The following APMAP variants were observed in gnomAD, a reference collection of about 807,000 sequenced individuals.
APMAP encodes the protein adipocyte plasma membrane associated protein.
APMAP carries 33 observed loss-of-function variants against 43.6 expected under a neutral mutation model. That is an observed-to-expected ratio of 0.76 (90% CI 0.57 to 1.01). APMAP has a LOEUF of 1.01. Among genes scored for constraint, APMAP ranks in the 50% least tolerant of loss-of-function variants. The pLI is 0.00. For missense variants in APMAP, 498 were observed against 540.7 expected (o/e 0.92, Z 0.78); for synonymous variants, 224 against 216.7 (o/e 1.03, Z -0.30).
intron 8 of APMAP, chr20:24,964,501 G>A (rs554222193): frequency 4.3e-6 from 2 of 468,214 alleles, no homozygotes; most frequent in African/African-American, 4.0e-5. Flanking sequence ...AAGCAAGCAG[G>A]TCCACAGACC....
intron 3 of APMAP, among the ~76,000 whole-genome samples, chr20:24,978,504 G>C (rs940077374): frequency 2.6e-5 from 4 of 152,186 alleles, no homozygotes; most frequent in African/African-American, 9.7e-5. Flanking sequence ...AACACTTTGA[G>C]CACAACAAAG....
At chr20:24,965,136 T>C (rs2122477016) in intron 8 of APMAP, among the ~76,000 whole-genome samples, 1 of 152,320 alleles carries the variant, frequency 6.6e-6, no homozygotes, top group Non-Finnish European at 1.5e-5. Flanking sequence ...GCCTTTCTAA[T>C]AGCACTTCAA....
intron 1 of APMAP, among the ~76,000 whole-genome samples, chr20:24,985,228 A>T (rs1182900327): frequency 1.3e-5 from 2 of 152,190 alleles, no homozygotes; most frequent in Non-Finnish European, 1.5e-5. Flanking sequence ...AACATGCATG[A>T]TCCAGTCCTG....
At chr20:24,983,781 T>C (rs1452428840) in intron 2 of APMAP, 122 bp downstream of exon 2, 2 of 639,050 alleles carry the variant, frequency 3.1e-6, no homozygotes, top group Non-Finnish European at 5.2e-6. Flanking sequence ...ATCACAAAAC[T>C]CTATTTCTCC....
intron 3 of APMAP, among the ~76,000 whole-genome samples, chr20:24,977,650 G>C (rs531390609): frequency 1.5e-4 from 23 of 152,314 alleles, no homozygotes; most frequent in Admixed American, 1.4e-3. Flanking sequence ...TGGTGACAAA[G>C]TACAATGAGA....
At chr20:24,977,663 T>A (rs2122509134) in intron 3 of APMAP, among the ~76,000 whole-genome samples, 1 of 152,182 alleles carries the variant, frequency 6.6e-6, no homozygotes, top group South Asian at 2.1e-4. Context: ...CAATGAGAAG[T>A]AACCCAGTGA....
At chr20:24,976,724 C>A (rs1177061649) in intron 3 of APMAP, among the ~76,000 whole-genome samples, 3 of 152,206 alleles carry the variant, frequency 2.0e-5, no homozygotes, top group Non-Finnish European at 4.4e-5. Context: ...CACACAAAAA[C>A]CTGCCCACAG....
intron 8 of APMAP, among the ~76,000 whole-genome samples, chr20:24,965,503 G>A (rs974245685): frequency 2.0e-5 from 3 of 152,250 alleles, no homozygotes; most frequent in Non-Finnish European, 2.9e-5. Flanking sequence ...AGCCCACTCC[G>A]CTTGGGTGAG....
chr20:24,964,300 C>G (rs2087925255), intron 8 of APMAP: 22 of 609,514 alleles, frequency 3.6e-5, no homozygotes, highest in South Asian at 3.0e-4. Flanking sequence ...GATGGCCTGG[C>G]TGAACTGAGA....
rs758272588 is a variant in APMAP, at chr20:24,968,955, GTTAGGGCGGA to G, written c.968_977del (p.Ile323ThrfsTer19). On this transcript the variant is annotated frameshift_variant, in exon 8 of 9. Coordinates refer to ENST00000217456, the MANE Select transcript of APMAP (RefSeq NM_020531.3). LOFTEE classifies it high-confidence loss of function. ...AGAAATCCAGCATGGAAAACCCAGG[GTTAGGGCGGA>G]TGGTCGACATGCCCACCCAGTACCC... is the stretch of plus-strand genomic sequence containing the variant. 14 of 1,613,730 alleles carry G rather than the reference GTTAGGGCGGA, an allele frequency of 8.7e-6. No homozygotes were observed. The highest frequency in any genetic ancestry group is 1.2e-5 in the Non-Finnish European group (14 of 1,179,944).
Position 24,992,741 on chromosome 20 carries a change from G to T in APMAP, c.-53C>A. On this transcript the variant is annotated 5_prime_UTR_variant, in exon 1 of 9. Transcript: ENST00000217456. ...AACCACCTCACACTGAGCGGCGCCG[G>T]CTCAGACTCCAGGCCCGCCCTCCCC... 4 of 1,365,982 alleles carry T rather than the reference G, an allele frequency of 2.9e-6. No individual in the cohort carries two copies. The highest frequency in any genetic ancestry group is 3.9e-6 in the Non-Finnish European group (4 of 1,031,548). The allele number at this position is 1,365,982 out of a possible 1,614,324, so 84.6% of individuals were successfully genotyped here.
At chr20:24,974,445 G>A (rs2122502799) in intron 3 of APMAP, among the ~76,000 whole-genome samples, 1 of 152,152 alleles carries the variant, frequency 6.6e-6, no homozygotes, top group South Asian at 2.1e-4. Context: ...CAAAGAATAA[G>A]GGCAAAGAAT....
In APMAP at chr20:24,967,841, G is replaced by C. The variant is rs11905142; in HGVS notation, c.1041+1051C>G. Among the ~76,000 whole-genome samples, 931 of 152,226 alleles carry C rather than the reference G, an allele frequency of 6.1e-3. 15 individuals are homozygous for C. Among genetic ancestry groups the C allele is most frequent in the African/African-American group, 0.022 (907 of 41,530 alleles). On this transcript the variant is annotated intron_variant, in intron 8 of 8. Coordinates refer to ENST00000217456, the MANE Select transcript of APMAP (RefSeq NM_020531.3). ...CCAGCAGGAACAGATGCTGTCTCTG[G>C]AGCCAATAAGGCAAAGAGAAGGACA...
chr20:24,967,994 A>G (rs6050214), intron 8 of APMAP, among the ~76,000 whole-genome samples: 107,723 of 152,224 alleles, frequency 0.71, 38,729 homozygotes, highest in East Asian at 0.99. Flanking sequence ...CAGCCCAGCA[A>G]CAGGACTCAG....
Position 24,992,605 on chromosome 20 carries a change from A to G in APMAP, c.84T>C (p.Ala28=). ...VTDDDGQAPE[A]KDGSSFSGRV... The stretch of plus-strand genomic sequence containing the variant: ...GGAGTCCGCCCTACCTGCCGTCCTT[A>G]GCCTCCGGGGCCTGGCCATCATCGT... The change falls in exon 1 of 9, where the codon GCT becomes GCC. Residue 28 remains alanine, a synonymous_variant. Coordinates refer to ENST00000217456, the MANE Select transcript of APMAP (RefSeq NM_020531.3). The G allele has an allele frequency of 6.4e-7, 1 of 1,558,772 alleles. No homozygotes were observed. The highest frequency in any genetic ancestry group is 8.7e-7 in the Non-Finnish European group (1 of 1,151,656).
At chr20:24,978,006 G>A (rs1466028972) in intron 3 of APMAP, among the ~76,000 whole-genome samples, 2 of 152,158 alleles carry the variant, frequency 1.3e-5, no homozygotes, top group East Asian at 1.9e-4. Context: ...GCCACTGACC[G>A]GCCTTGAGAG....
chr20:24,976,295 C>G (rs950925303), intron 3 of APMAP, among the ~76,000 whole-genome samples: 8 of 152,138 alleles, frequency 5.3e-5, no homozygotes, highest in African/African-American at 1.7e-4. Flanking sequence ...AACAACATGT[C>G]TGATAAAGAA....
intron 8 of APMAP, among the ~76,000 whole-genome samples, chr20:24,964,580 T>C (rs1461854719): frequency 6.6e-6 from 1 of 151,984 alleles, no homozygotes; most frequent in Non-Finnish European, 1.5e-5. Flanking sequence ...GTGCAGATCC[T>C]GAGGGACGCC....
intron 8 of APMAP, among the ~76,000 whole-genome samples, chr20:24,966,225 A>T (rs910133): frequency 0.09 from 13,638 of 152,262 alleles, 680 homozygotes; most frequent in Middle Eastern, 0.12. Context: ...GACATGCCCA[A>T]AGGCCCAGAA....
Sources: allele counts gnomAD v4.1 joint callset (sites outside exome capture counted in the v4.1 genomes callset), GRCh38; gene constraint gnomAD v4.1.1; transcripts MANE v1.5; gene names NCBI Gene and HGNC (gene_info 2026-07-23, HGNC 2026-07-21).